Variants in STPG4 observed in about 807,000 individuals in gnomAD.
The protein encoded by STPG4 is sperm-tail PG-rich repeat containing 4.
STPG4 carries 41 observed loss-of-function variants against 31.5 expected under a neutral mutation model. The ratio of observed to expected loss-of-function variants is 1.30; its 90% CI spans 1.01 to 1.69. The LOEUF is 1.69. Among genes scored for constraint, STPG4 ranks in the 40% most tolerant of loss-of-function variants. The pLI is 0.00. For missense variants in STPG4, 375 were observed against 293.4 expected (o/e 1.28, Z -2.03); for synonymous variants, 141 against 103.0 (o/e 1.37, Z -2.24).
At chr2:47,096,278 A>G (rs1156437041) in intron 5 of STPG4, among the ~76,000 whole-genome samples, 1 of 152,172 alleles carries the variant, frequency 6.6e-6, no homozygotes, top group Non-Finnish European at 1.5e-5. Context: ...CACCTCAGAG[A>G]GTAAACCCAT....
At chr2:47,148,406 A>G (rs1459133480) in intron 3 of STPG4, among the ~76,000 whole-genome samples, 1 of 152,100 alleles carries the variant, frequency 6.6e-6, no homozygotes, top group African/African-American at 2.4e-5. Flanking sequence ...AAACCTGCAC[A>G]TGTAGACCCT....
intron 5 of STPG4, among the ~76,000 whole-genome samples, chr2:47,100,774 G>T (rs940705203): frequency 6.6e-6 from 1 of 151,590 alleles, no homozygotes; most frequent in African/African-American, 2.4e-5. Context: ...CTTAAGAGCT[G>T]TAACACTCAC....
intron 5 of STPG4, among the ~76,000 whole-genome samples, chr2:47,127,636 C>T (rs551368886): frequency 7.5e-4 from 114 of 152,226 alleles, no homozygotes; most frequent in Non-Finnish European, 1.4e-3. Context: ...TATTCTTCAG[C>T]ATGTCAATTG....
chr2:47,110,251 C>T (rs1173890748), intron 5 of STPG4, among the ~76,000 whole-genome samples: 2 of 152,188 alleles, frequency 1.3e-5, no homozygotes, highest in Admixed American at 6.5e-5. Context: ...TCATCTTAAC[C>T]ATATTGATGG....
intron 5 of STPG4, among the ~76,000 whole-genome samples, chr2:47,108,191 A>G (rs1685961962): frequency 6.6e-6 from 1 of 151,450 alleles, no homozygotes; most frequent in Non-Finnish European, 1.5e-5. Context: ...GTCAAAACAG[A>G]CCACTCGGCT....
At chr2:47,098,392 G>T (rs1435253516) in intron 5 of STPG4, among the ~76,000 whole-genome samples, 2 of 152,208 alleles carry the variant, frequency 1.3e-5, no homozygotes, top group Admixed American at 6.5e-5. Flanking sequence ...ATGAGAAAGT[G>T]AGGCTCAGCG....
intron 5 of STPG4, among the ~76,000 whole-genome samples, chr2:47,111,961 A>G (rs956490610): frequency 2.0e-5 from 3 of 152,224 alleles, no homozygotes; most frequent in Non-Finnish European, 4.4e-5. Context: ...TGACACAAAG[A>G]AGGCTGCATG....
At chr2:47,109,219 T>G (rs979736534) in intron 5 of STPG4, among the ~76,000 whole-genome samples, 4 of 152,196 alleles carry the variant, frequency 2.6e-5, no homozygotes, top group Non-Finnish European at 5.9e-5. Context: ...CAGCACAGAT[T>G]TTTTAAGAAG....
At chr2:47,149,100 G>A (rs1558689321) in intron 3 of STPG4, among the ~76,000 whole-genome samples, 1 of 152,086 alleles carries the variant, frequency 6.6e-6, no homozygotes, top group Non-Finnish European at 1.5e-5. Flanking sequence ...GTTTCCCCTT[G>A]TGAATATATA....
intron 5 of STPG4, among the ~76,000 whole-genome samples, chr2:47,109,556 GA>G (rs533888510): frequency 0.34 from 30,078 of 88,954 alleles, 2,917 homozygotes; most frequent in Middle Eastern, 0.45. Context: ...CTATGTATCA[GA>G]AAAAAAAAAA....
intron 5 of STPG4, among the ~76,000 whole-genome samples, chr2:47,110,813 C>T (rs1263272420): frequency 6.6e-6 from 1 of 152,162 alleles, no homozygotes; most frequent in Non-Finnish European, 1.5e-5. Flanking sequence ...ATTTCTGGTG[C>T]TATTTTAATA....
chr2:47,120,735 T>A (rs1474129450), intron 5 of STPG4, among the ~76,000 whole-genome samples: 1 of 152,176 alleles, frequency 6.6e-6, no homozygotes, highest in African/African-American at 2.4e-5. Context: ...TGTTTTTGGC[T>A]ACTGTTATCT....
chr2:47,148,922 T>C (rs1686881423), intron 3 of STPG4, among the ~76,000 whole-genome samples: 1 of 152,234 alleles, frequency 6.6e-6, no homozygotes, highest in African/African-American at 2.4e-5. Flanking sequence ...AAGCAGCCAC[T>C]GAAAGATATA....
chr2:47,123,486 A>C (rs1686312524), intron 5 of STPG4, among the ~76,000 whole-genome samples: 1 of 152,214 alleles, frequency 6.6e-6, no homozygotes, highest in Admixed American at 6.5e-5. Flanking sequence ...GATACATTTT[A>C]AAAGGTATTG....
intron 5 of STPG4, among the ~76,000 whole-genome samples, chr2:47,114,942 A>G (rs1481812571): frequency 6.6e-6 from 1 of 151,876 alleles, no homozygotes; most frequent in Non-Finnish European, 1.5e-5. Context: ...TAATTTTGGC[A>G]TTTTTAGTAG....
At chr2:47,098,724 A>G (rs897126968) in intron 5 of STPG4, among the ~76,000 whole-genome samples, 1 of 150,800 alleles carries the variant, frequency 6.6e-6, no homozygotes, top group African/African-American at 2.4e-5. Flanking sequence ...GATCTCCCCA[A>G]ATTTGGTGTG....
At chr2:47,107,421 C>T (rs1036138901) in intron 5 of STPG4, among the ~76,000 whole-genome samples, 23 of 152,312 alleles carry the variant, frequency 1.5e-4, no homozygotes, top group African/African-American at 4.6e-4. Context: ...GCTTAGCACC[C>T]GGGCCAGCGG....
intron 5 of STPG4, among the ~76,000 whole-genome samples, chr2:47,117,280 G>C (rs1686171690): frequency 6.6e-6 from 1 of 152,184 alleles, no homozygotes; most frequent in South Asian, 2.1e-4. Flanking sequence ...CACTATCTCA[G>C]CTCACTGCAA....
At chr2:47,095,817 C>T (rs1051434156) in intron 5 of STPG4, among the ~76,000 whole-genome samples, 5 of 152,270 alleles carry the variant, frequency 3.3e-5, no homozygotes, top group East Asian at 3.9e-4. Context: ...ACTAATCCTG[C>T]GCCAACAGGA....
Sources: allele counts gnomAD v4.1 joint callset (sites outside exome capture counted in the v4.1 genomes callset), GRCh38; gene constraint gnomAD v4.1.1; transcripts MANE v1.5; gene names NCBI Gene and HGNC (gene_info 2026-07-23, HGNC 2026-07-21).